FUT8: variants seen among roughly 807,000 people sequenced by gnomAD.
FUT8 encodes the protein fucosyltransferase 8, also known as alpha-(1,6)-fucosyltransferase.
FUT8 carries 29 observed loss-of-function variants against 71.3 expected under a neutral mutation model. The observed-to-expected ratio is 0.41, with a 90% CI of 0.30 to 0.55. The LOEUF is 0.55. FUT8 is among the 20% of genes least tolerant of loss of function. The pLI is 0.34. For synonymous variants in FUT8, 254 were observed against 239.3 expected, an observed-to-expected ratio of 1.06 and a Z score of -0.57; for missense variants, 544 against 702.1, an observed-to-expected ratio of 0.77 and a Z score of 2.55.
At chr14:65,482,112 G>A (rs1270324196) in intron 2 of FUT8, among the ~76,000 whole-genome samples, 1 of 152,060 alleles carries the variant, frequency 6.6e-6, no homozygotes, top group Non-Finnish European at 1.5e-5. Flanking sequence ...AAGTTTTATG[G>A]TTTTGTATTT....
chr14:65,415,497 T>C (rs1042321465), intron 1 of FUT8, among the ~76,000 whole-genome samples: 1 of 152,344 alleles, frequency 6.6e-6, no homozygotes, highest in Non-Finnish European at 1.5e-5. Flanking sequence ...AACCTTCTTG[T>C]CCTGTTCATC....
At chr14:65,437,324 T>C (rs2065576879) in intron 1 of FUT8, among the ~76,000 whole-genome samples, 1 of 152,202 alleles carries the variant, frequency 6.6e-6, no homozygotes, top group African/African-American at 2.4e-5. Flanking sequence ...TTTAAAAAAA[T>C]ACTGAAGTAG....
At chr14:65,562,036 A>AT (rs924417939) in intron 3 of FUT8, among the ~76,000 whole-genome samples, 12 of 150,928 alleles carry the variant, frequency 8.0e-5, no homozygotes, top group Non-Finnish European at 7.4e-5. Flanking sequence ...AGATTTTTTT[A>AT]TTTTTTTTTA....
At chr14:65,377,729 TGAG>T in the FUT8 span, among the ~76,000 whole-genome samples, 39,617 of 151,908 alleles carry the variant, frequency 0.26, 5,634 homozygotes, top group East Asian at 0.57. Context: ...AGAATCTTTC[TGAG>T]GATGTTGCAA....
the FUT8 span, among the ~76,000 whole-genome samples, chr14:65,377,676 CT>C: frequency 8.1e-4 from 124 of 152,174 alleles, no homozygotes; most frequent in African/African-American, 2.9e-3. Flanking sequence ...TACAGTGTTA[CT>C]GTGCAGAGTA....
intron 2 of FUT8, among the ~76,000 whole-genome samples, chr14:65,520,379 A>G (rs1402480202): frequency 1.3e-5 from 2 of 151,888 alleles, no homozygotes; most frequent in Admixed American, 6.6e-5. Flanking sequence ...ATGACTTCTC[A>G]TTTTCTTAAT....
Position 65,467,867 on chromosome 14 carries a change from C to A in FUT8, c.-228+12149C>A. On this transcript the variant is annotated intron_variant, in intron 2 of 10. Transcript: ENST00000673929. The surrounding 1 kb of genome is among the most constrained non-coding windows in gnomAD (Gnocchi z 4.1). ...GCTCAGGCTCCTTCCCACTGGTTCT[C>A]ACAAAGTGTGCTTCTCTGGATGGAG... 1 of 789,244 alleles carries A rather than the reference C, an allele frequency of 1.3e-6. No homozygotes were observed. 48.9% of individuals were successfully genotyped at this position (789,244 alleles called of 1,614,324 possible).
intron 2 of FUT8, among the ~76,000 whole-genome samples, chr14:65,487,564 CAA>C (rs745645710): frequency 2.3e-4 from 15 of 64,478 alleles, no homozygotes; most frequent in East Asian, 4.3e-4. Flanking sequence ...GACTCCGTCT[CAA>C]AAAAAAAAAA....
chr14:65,578,833 T>A (rs1286013383), intron 3 of FUT8, among the ~76,000 whole-genome samples: 3 of 152,178 alleles, frequency 2.0e-5, no homozygotes, highest in Admixed American at 6.5e-5. Flanking sequence ...TAGCACACTA[T>A]GCTTTTCTTG....
intron 3 of FUT8, among the ~76,000 whole-genome samples, chr14:65,591,277 C>G (rs1319943800): frequency 2.6e-5 from 4 of 152,084 alleles, no homozygotes; most frequent in Non-Finnish European, 5.9e-5. Context: ...TGGCCTATCA[C>G]TTGTCATTGT....
chr14:65,619,011 G>A (rs1452806395), intron 5 of FUT8, among the ~76,000 whole-genome samples: 1 of 152,190 alleles, frequency 6.6e-6, no homozygotes, highest in Non-Finnish European at 1.5e-5. Flanking sequence ...GCGATGGCAT[G>A]TGAAGTGGGG....
intron 1 of FUT8, among the ~76,000 whole-genome samples, chr14:65,432,506 G>C (rs560180154): frequency 6.6e-6 from 1 of 151,400 alleles, no homozygotes; most frequent in East Asian, 1.9e-4. Flanking sequence ...TCAGAGGCCT[G>C]TGAACCAGAG....
intron 3 of FUT8, among the ~76,000 whole-genome samples, chr14:65,564,937 A>G (rs1886109007): frequency 6.6e-6 from 1 of 151,952 alleles, no homozygotes; most frequent in South Asian, 2.1e-4. Context: ...GTCTTAGCCC[A>G]TTTAGCATTG....
chr14:65,499,267 C>T (rs1025654146), intron 2 of FUT8, among the ~76,000 whole-genome samples: 2 of 152,044 alleles, frequency 1.3e-5, no homozygotes, highest in African/African-American at 4.8e-5. Flanking sequence ...TTTCTTTACC[C>T]TTATAGCATT....
chr14:65,594,723 A>C (rs564422874), intron 3 of FUT8, among the ~76,000 whole-genome samples: 4 of 152,262 alleles, frequency 2.6e-5, no homozygotes, highest in African/African-American at 9.6e-5. Context: ...CGGGAAGGGC[A>C]GGTTGCTCTC....
intron 1 of FUT8, among the ~76,000 whole-genome samples, chr14:65,419,602 T>C (rs2065264653): frequency 6.6e-6 from 1 of 152,218 alleles, no homozygotes; most frequent in African/African-American, 2.4e-5. Context: ...GAATAACTAC[T>C]TGATTCATTC....
Position 65,422,680 on chromosome 14 carries a change from T to A in FUT8, c.-326+9466T>A, listed in dbSNP as rs189436964. Among the ~76,000 whole-genome samples, 3 of 152,196 alleles carry A rather than the reference T, an allele frequency of 2.0e-5. No individual in the cohort carries two copies. The East Asian group carries it at 5.8e-4, about 29-fold the overall frequency. On this transcript the variant is annotated intron_variant, in intron 1 of 10. Coordinates refer to ENST00000673929, the MANE Select transcript of FUT8 (RefSeq NM_001371533.1). ...GCCTGGCTAATTTTTAAATATTTTTTATTTTTTTGTAGAGACAGGGTCTCA... is the reference window on the plus strand; with the variant it reads ...GCCTGGCTAATTTTTAAATATTTTTAATTTTTTTGTAGAGACAGGGTCTCA...
chr14:65,494,179 A>G (rs542672313), intron 2 of FUT8, among the ~76,000 whole-genome samples: 1 of 152,330 alleles, frequency 6.6e-6, no homozygotes, highest in East Asian at 1.9e-4. Context: ...AAAAGCAAAA[A>G]GAAGCAGTTA....
At chr14:65,729,160 G>C (rs1895834574) in intron 9 of FUT8, among the ~76,000 whole-genome samples, 1 of 151,162 alleles carries the variant, frequency 6.6e-6, no homozygotes, top group Non-Finnish European at 1.5e-5. Flanking sequence ...TGAGTAGCTG[G>C]GACCATTGGC....
Sources: allele counts gnomAD v4.1 joint callset (sites outside exome capture counted in the v4.1 genomes callset), GRCh38; gene constraint gnomAD v4.1.1; non-coding constraint Gnocchi (gnomAD v3.1); transcripts MANE v1.5; gene names NCBI Gene and HGNC (gene_info 2026-07-23, HGNC 2026-07-21).